WDR33: variants seen among roughly 807,000 people sequenced by gnomAD.
The protein encoded by WDR33 is WD repeat domain 33, also known as pre-mRNA 3' end processing protein WDR33.
A neutral mutation model predicts 164.9 loss-of-function variants in WDR33; 47 were observed. That is an observed-to-expected ratio of 0.29 (90% confidence interval 0.23 to 0.36). The LOEUF (loss-of-function observed/expected upper bound fraction) is 0.36. Ranked by LOEUF, WDR33 falls within the 10% of genes least tolerant of loss-of-function variation. The pLI is 1.00. For synonymous variants in WDR33, 505 were observed against 589.0 expected (o/e 0.86, Z 2.06); for missense variants, 1,137 against 1,754.1 (o/e 0.65, Z 6.28).
intron 7 of WDR33, chr2:127,762,552 C>G: frequency 1.0e-6 from 1 of 982,982 alleles, no homozygotes; most frequent in East Asian, 1.1e-4. Flanking sequence ...AGTAAACAAG[C>G]AGCAATGCCA....
chr2:127,722,634 T>C lies in WDR33; in HGVS notation c.1475A>G (p.Lys492Arg), dbSNP rs1686467762. The change falls in exon 14 of 22, where the codon AAG becomes AGG. Residue 492 changes from lysine to arginine, a missense_variant. Coordinates refer to ENST00000322313, the MANE Select transcript of WDR33 (RefSeq NM_018383.5). This position sits in a 1 kb window ranked among gnomAD's most constrained non-coding sequence, Gnocchi z 5.1. The part of the protein sequence containing the change: ...MQKDQKKVPQ[K>R]KVPYAKPIPA... Reference sequence around the variant, plus strand: ...AATGGGTTTTGCATAAGGAACTTTCTTCTGAGGTACTTTTTTCTGATCCTT... The same window carrying C: ...AATGGGTTTTGCATAAGGAACTTTCCTCTGAGGTACTTTTTTCTGATCCTT... The C allele has an allele frequency of 1.2e-6, 2 of 1,614,180 alleles. No homozygotes were observed. Among genetic ancestry groups the C allele is most frequent in the Non-Finnish European group, 1.7e-6 (2 of 1,180,022 alleles).
At position 127,713,904 on chromosome 2, in the gene WDR33, C is replaced by A. The variant is rs781233592; in HGVS notation, c.2987G>T (p.Cys996Phe). 4 of 1,612,886 alleles carry A rather than the reference C, an allele frequency of 2.5e-6. No individual in the cohort carries two copies. The highest frequency in any genetic ancestry group is 2.5e-6 in the Non-Finnish European group (3 of 1,179,242). ...GCCACGCCTATCAGGGGGACCCCTG[C>A]AGTCCTGGCCACCCCGGAAAGGCCC... Reference protein sequence around the residue: ...ERGPFRGGQDCRGPPDRRGPH... With the variant: ...ERGPFRGGQDFRGPPDRRGPH... Residue 996 changes from cysteine to phenylalanine, a missense_variant, in exon 18 of 22, where the codon TGC (cysteine) becomes TTC (phenylalanine). Cys to Phe is a radical substitution (Grantham distance 205). This residue lies in a region of WDR33 where 867 missense variants were observed against 1,073.0 expected (regional missense o/e 0.81). Transcript: ENST00000322313. This position sits in a 1 kb window ranked among gnomAD's most constrained non-coding sequence, Gnocchi z 6.2.
At chr2:127,805,191 T>C (rs1302803354) in intron 1 of WDR33, among the ~76,000 whole-genome samples, 3 of 148,990 alleles carry the variant, frequency 2.0e-5, no homozygotes, top group African/African-American at 7.5e-5. Flanking sequence ...CATCCTCCTG[T>C]CTCAACCTCC....
At chr2:127,805,068 C>CTTTTTTTTTTTTTTT (rs201681607) in intron 1 of WDR33, among the ~76,000 whole-genome samples, 4 of 84,380 alleles carry the variant, frequency 4.7e-5, no homozygotes, top group African/African-American at 1.0e-4. Flanking sequence ...GAAGTTTTTT[C>CTTTTTTTTTTTTTTT]TTTTTTTTTT....
At chr2:127,774,159 C>T (rs1688105296) in intron 1 of WDR33, among the ~76,000 whole-genome samples, 1 of 148,660 alleles carries the variant, frequency 6.7e-6, no homozygotes, top group South Asian at 2.1e-4. Context: ...TCAAGCAATT[C>T]TGCTGCCTCA....
At position 127,717,032 on chromosome 2, in the gene WDR33, C is replaced by T. The variant is rs1686318000; in HGVS notation, c.2869+123G>A. ...AAAGCTCCTACCTGAATGACCACAC[C>T]CTTATTTTGCCCAGAGGTTCAAATG... On this transcript the variant is annotated intron_variant, in intron 17 of 21. Transcript: ENST00000322313. The surrounding 1 kb of genome is among the most constrained non-coding windows in gnomAD (Gnocchi z 5.6). 3 of 965,164 alleles carry T rather than the reference C, an allele frequency of 3.1e-6. No individual in the cohort carries two copies. Among genetic ancestry groups the T allele is most frequent in the Non-Finnish European group, 4.8e-6 (3 of 624,340 alleles). The allele number at this position is 965,164 out of a possible 1,614,324, so 59.8% of individuals were successfully genotyped here.
intron 7 of WDR33, among the ~76,000 whole-genome samples, chr2:127,758,137 C>T (rs6707189): frequency 0.47 from 71,762 of 151,940 alleles, 18,083 homozygotes; most frequent in African/African-American, 0.64. Flanking sequence ...AATATTTTTG[C>T]TAAATATATT....
At chr2:127,781,512 C>A (rs1688367374) in intron 1 of WDR33, among the ~76,000 whole-genome samples, 1 of 152,152 alleles carries the variant, frequency 6.6e-6, no homozygotes, top group African/African-American at 2.4e-5. Flanking sequence ...ACTATCAATG[C>A]TCTGCTTGTG....
In WDR33 at chr2:127,718,888, A is replaced by C. The variant is rs1686357312; in HGVS notation, c.2760+377T>G. Among the ~76,000 whole-genome samples, 1 of 152,220 alleles carries C rather than the reference A, an allele frequency of 6.6e-6. No individual in the cohort carries two copies. The highest frequency in any genetic ancestry group is 2.4e-5 in the African/African-American group (1 of 41,462). ...AGGCTGCAATGTAAAGGGCCCAGAA[A>C]GGAGGCATGACAGCCTCAGAGCCGA... On this transcript the variant is annotated intron_variant, in intron 16 of 21. Coordinates refer to ENST00000322313, the MANE Select transcript of WDR33 (RefSeq NM_018383.5). This position sits in a 1 kb window ranked among gnomAD's most constrained non-coding sequence, Gnocchi z 4.4.
rs370134275 is a variant in WDR33, at chr2:127,706,300, C to G, written c.*23G>C. 1 of 1,527,240 alleles carries G rather than the reference C, an allele frequency of 6.5e-7. No homozygotes were observed. Among genetic ancestry groups the G allele is most frequent in the African/African-American group, 1.4e-5 (1 of 71,954 alleles). The allele number at this position is 1,527,240 out of a possible 1,614,324, so 94.6% of individuals were successfully genotyped here. On this transcript the variant is annotated 3_prime_UTR_variant, in exon 22 of 22. Transcript: ENST00000322313. The surrounding 1 kb of genome is among the most constrained non-coding windows in gnomAD (Gnocchi z 5.1). Reference sequence around the variant, plus strand: ...GTTCTTACATACTGTCCAGAGAGGCCTCAGGGTACTCAGTTCCAGCTTCTA... The same window carrying G: ...GTTCTTACATACTGTCCAGAGAGGCGTCAGGGTACTCAGTTCCAGCTTCTA...
At position 127,738,011 on chromosome 2, in the gene WDR33, CTT is replaced by C. The variant is rs1686902046; in HGVS notation, c.725-11236_725-11235del. 1.2e-5 allele frequency: 19 copies of C among 1,613,086 alleles called. No individual in the cohort carries two copies. In the East Asian group the frequency reaches 4.0e-4, roughly 34 times the overall value. ...TTTGTCCACCTACTGTTATTCACCT[CTT>C]GACAGAAAGGAAGTAACAACGGCAG... On this transcript the variant is annotated intron_variant, in intron 7 of 21. Coordinates refer to ENST00000322313, the MANE Select transcript of WDR33 (RefSeq NM_018383.5). This position sits in a 1 kb window ranked among gnomAD's most constrained non-coding sequence, Gnocchi z 4.4.
rs1198919343 is a variant in WDR33 at position 127,724,791 on chromosome 2, A to G, written c.1085+96T>C. 3 of 1,361,160 alleles carry G rather than the reference A, an allele frequency of 2.2e-6. No homozygotes were observed. Among genetic ancestry groups the G allele is most frequent in the Non-Finnish European group, 2.1e-6 (2 of 953,152 alleles). 84.3% of individuals were successfully genotyped at this position (1,361,160 alleles called of 1,614,324 possible). ...GCAAGCAGTCTCTGATATAGGATAT[A>G]TGAACACTTAGAAAAGCTACAAAAC... On this transcript the variant is annotated intron_variant, in intron 10 of 21. Transcript: ENST00000322313. This position sits in a 1 kb window ranked among gnomAD's most constrained non-coding sequence, Gnocchi z 4.8.
chr2:127,768,507 A>G (rs1687892182), intron 3 of WDR33, among the ~76,000 whole-genome samples: 1 of 152,202 alleles, frequency 6.6e-6, no homozygotes, highest in African/African-American at 2.4e-5. Context: ...ATTACTAAAC[A>G]AACAAGAAAA....
chr2:127,779,796 C>T (rs1408315781), intron 1 of WDR33, among the ~76,000 whole-genome samples: 1 of 152,138 alleles, frequency 6.6e-6, no homozygotes, highest in Non-Finnish European at 1.5e-5. Flanking sequence ...GAATTTGATC[C>T]AATTATCAAA....
chr2:127,764,256 G>C lies in WDR33; in HGVS notation c.626+572C>G. Reference sequence around the variant, plus strand: ...AGAAGAAAAGTCCTAGAGTCTTCTTGACAATGATCTGCTTACAGCTGCAAA... The same window carrying C: ...AGAAGAAAAGTCCTAGAGTCTTCTTCACAATGATCTGCTTACAGCTGCAAA... On this transcript the variant is annotated intron_variant, in intron 6 of 21. Coordinates refer to ENST00000322313, the MANE Select transcript of WDR33 (RefSeq NM_018383.5). The surrounding 1 kb of genome is among the most constrained non-coding windows in gnomAD (Gnocchi z 6.2). 8.4e-7 allele frequency: 1 copy of C among 1,191,940 alleles called. No individual in the cohort carries two copies. The highest frequency in any genetic ancestry group is 1.0e-6 in the Non-Finnish European group (1 of 960,586). The allele number at this position is 1,191,940 out of a possible 1,614,324, so 73.8% of individuals were successfully genotyped here.
intron 18 of WDR33, among the ~76,000 whole-genome samples, chr2:127,711,767 TATATATATATATA>T (rs1558919335): frequency 1.1e-5 from 1 of 90,284 alleles, no homozygotes; most frequent in Non-Finnish European, 2.0e-5. Context: ...TATATATATA[TATATATATATATA>T]TTTTTTTTTT....
chr2:127,774,939 C>T (rs1048367189), intron 1 of WDR33, among the ~76,000 whole-genome samples: 2 of 152,044 alleles, frequency 1.3e-5, no homozygotes, highest in South Asian at 4.1e-4. Flanking sequence ...TAATATACAG[C>T]GACAAAAAGC....
At chr2:127,807,926 C>T (rs1689497025) in intron 1 of WDR33, among the ~76,000 whole-genome samples, 1 of 152,182 alleles carries the variant, frequency 6.6e-6, no homozygotes, top group Non-Finnish European at 1.5e-5. Flanking sequence ...GATCATGCCA[C>T]TGTATTCCAG....
At chr2:127,788,503 C>T (rs371228167) in intron 1 of WDR33, among the ~76,000 whole-genome samples, 19 of 120,812 alleles carry the variant, frequency 1.6e-4, no homozygotes, top group South Asian at 6.0e-4. Flanking sequence ...CCGGACGGGG[C>T]GGCTGGCCGG....
Sources: gnomAD v4.1 joint callset for allele counts (sites outside exome capture counted in the v4.1 genomes callset) on GRCh38, gnomAD v4.1.1 for gene constraint, gnomAD v4.1.1 regional missense constraint, Gnocchi (gnomAD v3.1) non-coding constraint, MANE v1.5 for transcripts, NCBI Gene and HGNC (gene_info 2026-07-23, HGNC 2026-07-21) for gene names.